OR8J1: variants seen among roughly 807,000 people sequenced by gnomAD.
The protein encoded by OR8J1 is olfactory receptor 8J1.
For missense variants in OR8J1, 400 were observed against 373.0 expected (o/e 1.07, Z -0.60); for synonymous variants, 157 against 144.3 (o/e 1.09, Z -0.63).
At chr11:56,355,339 A>G (rs1268335795) in intron 1 of OR8J1, among the ~76,000 whole-genome samples, 1 of 152,038 alleles carries the variant, frequency 6.6e-6, no homozygotes, top group Non-Finnish European at 1.5e-5. Context: ...GCTAATTTAA[A>G]GACAACTCAT....
rs1590856637 is a variant in OR8J1 at position 56,357,540 on chromosome 11, G to A, written c.-20-2687G>A. ...TGCTTATGGCTGTATAGAGGGGAATGTGATAGTCCGCGCGGCACATGCACA... is the reference window on the plus strand; with the variant it reads ...TGCTTATGGCTGTATAGAGGGGAATATGATAGTCCGCGCGGCACATGCACA... On this transcript the variant is annotated intron_variant, in intron 1 of 1. Coordinates refer to ENST00000533152, the MANE Select transcript of OR8J1 (RefSeq NM_001005205.3). 20 of 861,618 alleles carry A rather than the reference G, an allele frequency of 2.3e-5. No homozygotes were observed. In the South Asian group the frequency reaches 2.5e-4, roughly 11 times the overall value. 53.4% of individuals were successfully genotyped at this position (861,618 alleles called of 1,614,324 possible).
At chr11:56,354,612 TAGAG>T (rs1854943632) in intron 1 of OR8J1, among the ~76,000 whole-genome samples, 1 of 152,186 alleles carries the variant, frequency 6.6e-6, no homozygotes, top group African/African-American at 2.4e-5. Context: ...TTGCTGCTCA[TAGAG>T]ACTGTTTATA....
chr11:56,360,033 G>A (rs1263680697), intron 1 of OR8J1, among the ~76,000 whole-genome samples, 194 bp from the exon 2 acceptor site: 3 of 152,122 alleles, frequency 2.0e-5, no homozygotes, highest in East Asian at 3.9e-4. Flanking sequence ...TTTACTATAC[G>A]TTTCCATACT....
At chr11:56,355,308 C>T (rs549532609) in intron 1 of OR8J1, among the ~76,000 whole-genome samples, 2 of 151,396 alleles carry the variant, frequency 1.3e-5, no homozygotes, top group East Asian at 3.9e-4. Flanking sequence ...TTTTTGTTAC[C>T]CATTAGCCGT....
intron 1 of OR8J1, among the ~76,000 whole-genome samples, chr11:56,356,918 A>G (rs1043135441): frequency 2.1e-4 from 32 of 152,140 alleles, no homozygotes; most frequent in African/African-American, 7.5e-4. Flanking sequence ...CACAGCTGTT[A>G]GTTACCCCAG....
At chr11:56,357,824 G>T in intron 1 of OR8J1, 2 of 1,036,118 alleles carry the variant, frequency 1.9e-6, no homozygotes. Context: ...AGGAAGCTGC[G>T]GTTGGAGGCT....
intron 1 of OR8J1, among the ~76,000 whole-genome samples, chr11:56,357,155 C>T (rs950868936): frequency 2.6e-5 from 4 of 152,098 alleles, no homozygotes; most frequent in Non-Finnish European, 5.9e-5. Flanking sequence ...TCCTGCCCTG[C>T]CTCGAGCTTT....
Position 56,360,364 on chromosome 11 carries a change from G to T in OR8J1, c.118G>T (p.Ala40Ser), listed in dbSNP as rs773319492. ...VFLVLYGLTM[A>S]GNLGIITLTS... ...TCTGGTGCTCTATGGGCTGACCATG[G>T]CAGGGAACCTGGGCATCATCACCCT... is the stretch of plus-strand genomic sequence containing the variant. The change falls in exon 2 of 2, where the codon GCA becomes TCA. Residue 40 changes from alanine (A) to serine (S), a missense_variant. Transcript: ENST00000533152. The T allele has an allele frequency of 5.6e-6, 9 of 1,614,120 alleles. No homozygotes were observed. Among genetic ancestry groups the T allele is most frequent in the African/African-American group, 1.3e-5 (1 of 75,036 alleles).
chr11:56,357,849 A>G (rs1854990788), intron 1 of OR8J1: 2 of 937,208 alleles, frequency 2.1e-6, no homozygotes, highest in South Asian at 2.6e-5. Context: ...TATCCCTCAC[A>G]GTACCAAACA....
At chr11:56,355,538 G>T (rs1348875334) in intron 1 of OR8J1, among the ~76,000 whole-genome samples, 1 of 152,104 alleles carries the variant, frequency 6.6e-6, no homozygotes, top group Non-Finnish European at 1.5e-5. Flanking sequence ...TGAGGCAGGA[G>T]AATCACTTGA....
At chr11:56,358,438 A>G (rs1156671326) in intron 1 of OR8J1, among the ~76,000 whole-genome samples, 1 of 152,192 alleles carries the variant, frequency 6.6e-6, no homozygotes, top group Non-Finnish European at 1.5e-5. Context: ...TTTTCAGCAT[A>G]TACATTCTCC....
In OR8J1 at chr11:56,361,089, G is replaced by T; in HGVS notation, c.843G>T (p.Leu281Phe). ...DDKMASVFYT[L>F]VIPMLNPLIY... ...AGATGGCTTCTGTGTTTTACACGTT[G>T]GTAATTCCTATGCTGAATCCCTTGA... Residue 281 changes from leucine to phenylalanine, a missense_variant, in exon 2 of 2, where the codon TTG becomes TTT. Physicochemically the swap from Leu to Phe is conservative, Grantham distance 22. Transcript: ENST00000533152. 6.6e-7 allele frequency: 1 copy of T among 1,511,660 alleles called. No homozygotes were observed. Among genetic ancestry groups the T allele is most frequent in the Non-Finnish European group, 8.8e-7 (1 of 1,137,288 alleles). The allele number at this position is 1,511,660 out of a possible 1,614,324, so 93.6% of individuals were successfully genotyped here. A position where few individuals can be genotyped will look rare whatever the true frequency, so the allele number is the denominator to read the frequency against.
Position 56,360,871 on chromosome 11 carries a change from G to A in OR8J1, c.625G>A (p.Gly209Ser). 6.7e-7 allele frequency: 1 copy of A among 1,496,244 alleles called. No homozygotes were observed. Among genetic ancestry groups the A allele is most frequent in the Non-Finnish European group, 8.9e-7 (1 of 1,127,420 alleles). The allele number at this position is 1,496,244 out of a possible 1,614,324, so 92.7% of individuals were successfully genotyped here. The change falls in exon 2 of 2, where the codon GGT becomes AGT. Residue 209 changes from glycine (G) to serine (S), a missense_variant. Physicochemically the swap from Gly to Ser is moderately conservative, Grantham distance 56. Transcript: ENST00000533152. ...VFISAATNVVGSLIIVLVSYF... is the reference protein window; with the variant it reads ...VFISAATNVVSSLIIVLVSYF... ...TATATCTGCAGCAACAAATGTGGTT[G>A]GTTCCTTGATTATAGTTCTAGTATC...
intron 1 of OR8J1, among the ~76,000 whole-genome samples, chr11:56,355,965 A>G (rs1413719515): frequency 2.6e-5 from 4 of 152,216 alleles, no homozygotes; most frequent in African/African-American, 7.2e-5. Flanking sequence ...CAGTGAAGAC[A>G]TGGAAGGTCA....
chr11:56,359,296 T>C (rs984295059), intron 1 of OR8J1, among the ~76,000 whole-genome samples: 1 of 152,042 alleles, frequency 6.6e-6, no homozygotes, highest in Non-Finnish European at 1.5e-5. Context: ...ATGAGCATTG[T>C]AGTTATCACA....
At position 56,360,436 on chromosome 11, in the gene OR8J1, C is replaced by A; in HGVS notation, c.190C>A (p.Gln64Lys). ...RLQTPMYFFL[Q>K]HLALINLGNS... is the part of the protein sequence containing the mutation. ...TCAAACCCCCATGTACTTTTTCCTG[C>A]AACATCTGGCTCTCATTAATCTTGG... Residue 64 changes from glutamine (Q) to lysine (K), a missense_variant, in exon 2 of 2, where the codon CAA (glutamine) becomes AAA (lysine). Physicochemically the swap from Gln to Lys is moderately conservative, Grantham distance 53 (BLOSUM62 1). Transcript: ENST00000533152. 2.5e-6 allele frequency: 4 copies of A among 1,614,132 alleles called. No individual in the cohort carries two copies. Among genetic ancestry groups the A allele is most frequent in the South Asian group, 1.1e-5 (1 of 91,070 alleles).
intron 1 of OR8J1, among the ~76,000 whole-genome samples, chr11:56,355,922 C>T (rs1267389481): frequency 2.6e-5 from 4 of 152,082 alleles, no homozygotes; most frequent in Non-Finnish European, 5.9e-5. Context: ...CTACCTCTCA[C>T]TAAAAACAAA....
chr11:56,355,126 A>G lies in OR8J1; in HGVS notation c.-21+801A>G, dbSNP rs1018825113. ...CTTAGTTCAACTAACCTAAAATAGCATGTTCAAAAGTAAGTTTACTTTCTT... is the reference window on the plus strand; with the variant it reads ...CTTAGTTCAACTAACCTAAAATAGCGTGTTCAAAAGTAAGTTTACTTTCTT... On this transcript the variant is annotated intron_variant, in intron 1 of 1. Coordinates refer to ENST00000533152, the MANE Select transcript of OR8J1 (RefSeq NM_001005205.3). Among the ~76,000 whole-genome samples the G allele has an allele frequency of 5.3e-5, 8 of 152,120 alleles. No homozygotes were observed. The East Asian group carries it at 1.5e-3, about 29-fold the overall frequency.
At chr11:56,354,446 AATATG>A (rs1447644573) in intron 1 of OR8J1, 121 bp downstream of exon 1, 6 of 152,236 alleles carry the variant, frequency 3.9e-5, no homozygotes, top group Admixed American at 6.5e-5. Flanking sequence ...ATTATACAGA[AATATG>A]ATAAGATAAA....
Sources: allele counts gnomAD v4.1 joint callset (sites outside exome capture counted in the v4.1 genomes callset), GRCh38; gene constraint gnomAD v4.1.1; transcripts MANE v1.5; gene names NCBI Gene and HGNC (gene_info 2026-07-23, HGNC 2026-07-21).